KDM4C: variants seen among roughly 807,000 people sequenced by gnomAD.
KDM4C encodes lysine-specific demethylase 4C.
A neutral mutation model predicts 129.3 loss-of-function variants in KDM4C; 81 were observed. That is an observed-to-expected ratio of 0.63 (90% CI 0.52 to 0.75). The LOEUF (loss-of-function observed/expected upper bound fraction) is 0.75. Among genes scored for constraint, KDM4C ranks in the 30% least tolerant of loss-of-function variants. KDM4C has a pLI of 0.00. For missense variants in KDM4C, 1,457 were observed against 1,304.0 expected (o/e 1.12, Z -1.81); for synonymous variants, 573 against 456.1 (o/e 1.26, Z -3.26).
At chr9:6,906,929 G>A (rs1024792613) in intron 8 of KDM4C, among the ~76,000 whole-genome samples, 1 of 152,210 alleles carries the variant, frequency 6.6e-6, no homozygotes, top group Non-Finnish European at 1.5e-5. Context: ...ACGTAGATAG[G>A]TATTTTATTT....
At chr9:7,134,705 G>A (rs1417605045) in intron 19 of KDM4C, among the ~76,000 whole-genome samples, 2 of 152,184 alleles carry the variant, frequency 1.3e-5, no homozygotes, top group African/African-American at 4.8e-5. Flanking sequence ...GATAGACTTT[G>A]CCCAATCAAG....
intron 15 of KDM4C, among the ~76,000 whole-genome samples, chr9:7,021,398 G>A (rs1482406613): frequency 1.3e-5 from 2 of 152,096 alleles, no homozygotes; most frequent in Non-Finnish European, 2.9e-5. Flanking sequence ...GCCTTCGTCG[G>A]CCTCCCAAAG....
intron 19 of KDM4C, among the ~76,000 whole-genome samples, chr9:7,134,514 C>G (rs1323811260): frequency 6.6e-6 from 1 of 152,164 alleles, no homozygotes; most frequent in Non-Finnish European, 1.5e-5. Context: ...ATATACATTT[C>G]TCACAAATGT....
chr9:6,996,278 C>T (rs529252226), intron 12 of KDM4C, among the ~76,000 whole-genome samples: 7 of 152,322 alleles, frequency 4.6e-5, no homozygotes, highest in South Asian at 2.1e-4. Flanking sequence ...CTTGAAGTGA[C>T]GTTGGGCTAA....
chr9:6,995,845 G>T (rs532606777), intron 12 of KDM4C, among the ~76,000 whole-genome samples: 4 of 151,810 alleles, frequency 2.6e-5, no homozygotes, highest in African/African-American at 9.7e-5. Context: ...CTAATTTTTT[G>T]TATTTTTGGT....
intron 8 of KDM4C, among the ~76,000 whole-genome samples, chr9:6,937,778 C>G (rs1035620514): frequency 3.3e-5 from 5 of 152,160 alleles, no homozygotes; most frequent in Admixed American, 6.5e-5. Flanking sequence ...GTGGCATGAT[C>G]TTGGCTCATT....
chr9:7,050,719 G>T (rs112453408), intron 17 of KDM4C, among the ~76,000 whole-genome samples: 2,298 of 152,204 alleles, frequency 0.015, 63 homozygotes, highest in African/African-American at 0.052. Context: ...TCTTGAGGCT[G>T]CCTCCACAGG....
intron 15 of KDM4C, among the ~76,000 whole-genome samples, chr9:7,037,964 C>T (rs1349992626): frequency 1.3e-5 from 2 of 152,020 alleles, no homozygotes; most frequent in Non-Finnish European, 2.9e-5. Flanking sequence ...AAACATAAAA[C>T]AAGGCTGGCA....
In KDM4C at chr9:6,805,765, A is replaced by G. The variant is rs779556481; in HGVS notation, c.311A>G (p.Asn104Ser). Residue 104 changes from asparagine (N) to serine (S), a missense_variant, in exon 3 of 22, where the codon AAC (asparagine) becomes AGC (serine). Asn to Ser is a conservative substitution (Grantham distance 46). Transcript: ENST00000381309. Reference protein sequence around the residue: ...MTVKEFRQLANSGKYCTPRYL... With the variant: ...MTVKEFRQLASSGKYCTPRYL... ...GTGAAGGAGTTCAGGCAGCTGGCCA[A>G]CAGTGGCAAGTGAGTAGAATCAGTT... 1.2e-6 allele frequency: 2 copies of G among 1,611,794 alleles called. No homozygotes were observed. Among genetic ancestry groups the G allele is most frequent in the Admixed American group, 1.7e-5 (1 of 59,450 alleles).
At chr9:7,135,300 G>C (rs2381566) in intron 19 of KDM4C, among the ~76,000 whole-genome samples, 136,473 of 152,186 alleles carry the variant, frequency 0.9, 61,495 homozygotes, top group African/African-American at 0.96. Context: ...CTTATTTTCT[G>C]TGCTGGCAGT....
intron 1 of KDM4C, among the ~76,000 whole-genome samples, chr9:6,744,388 G>A (rs916888401): frequency 1.3e-5 from 2 of 152,090 alleles, no homozygotes; most frequent in Non-Finnish European, 2.9e-5. Flanking sequence ...AGCTGGGCAT[G>A]GTGGCGTGCG....
chr9:7,114,739 A>G (rs1838706307), intron 18 of KDM4C, among the ~76,000 whole-genome samples: 2 of 151,964 alleles, frequency 1.3e-5, no homozygotes, highest in African/African-American at 4.8e-5. Context: ...CATTTCCACC[A>G]CAGAGTGCAC....
In KDM4C at chr9:6,834,043, C is replaced by CTTTTTTTTTT. The variant is rs71487860; in HGVS notation, c.436-15458_436-15449dup. On this transcript the variant is annotated intron_variant, in intron 4 of 21. Coordinates refer to ENST00000381309, the MANE Select transcript of KDM4C (RefSeq NM_015061.6). ...CATGGGATATGACTCAAGAGATAGT[C>CTTTTTTTTTT]TTTTTTTTTTTTTTTAAGATAGTCT... Among the ~76,000 whole-genome samples, 193 of 109,428 alleles carry CTTTTTTTTTT rather than the reference C, an allele frequency of 1.8e-3. 19 individuals carry two copies. The highest frequency in any genetic ancestry group is 5.3e-3 in the African/African-American group (143 of 26,878). The allele number at this position is 109,428 out of a possible 152,430, so 71.8% of individuals were successfully genotyped here. A position where few individuals can be genotyped will look rare whatever the true frequency, so the allele number is the denominator to read the frequency against.
intron 8 of KDM4C, among the ~76,000 whole-genome samples, chr9:6,928,278 A>C (rs887051783): frequency 6.6e-6 from 1 of 152,192 alleles, no homozygotes; most frequent in Admixed American, 6.5e-5. Context: ...TTCCAGTGTT[A>C]GAGAGCCAAA....
At chr9:7,111,627 A>G (rs1838328821) in intron 18 of KDM4C, among the ~76,000 whole-genome samples, 2 of 152,100 alleles carry the variant, frequency 1.3e-5, no homozygotes, top group South Asian at 4.2e-4. Flanking sequence ...TGTGTGCACA[A>G]ACTTCCTCAA....
chr9:6,851,985 C>T (rs1429742711), intron 5 of KDM4C, among the ~76,000 whole-genome samples: 1 of 152,112 alleles, frequency 6.6e-6, no homozygotes, highest in South Asian at 2.1e-4. Context: ...TTTATACTGT[C>T]ACTATTATCC....
intron 1 of KDM4C, chr9:6,734,737 G>A: frequency 3.0e-6 from 1 of 329,420 alleles, no homozygotes; most frequent in Non-Finnish European, 5.9e-6. Context: ...GTGTCCTGAG[G>A]ATGTGACTTG....
intron 21 of KDM4C, chr9:7,170,843 C>G: frequency 1.2e-6 from 1 of 815,582 alleles, no homozygotes; most frequent in Non-Finnish European, 1.5e-6. Context: ...CTTTTTGCAT[C>G]CCTGGGCCAT....
chr9:7,045,686 T>G (rs991367979), intron 15 of KDM4C, among the ~76,000 whole-genome samples: 1 of 152,036 alleles, frequency 6.6e-6, no homozygotes, highest in African/African-American at 2.4e-5. Flanking sequence ...CAGTGTATCT[T>G]TTACTACTCT....
Sources: allele counts gnomAD v4.1 joint callset (sites outside exome capture counted in the v4.1 genomes callset), GRCh38; gene constraint gnomAD v4.1.1; transcripts MANE v1.5; gene names NCBI Gene and HGNC (gene_info 2026-07-23, HGNC 2026-07-21).